Variants in ATP10B observed in about 807,000 individuals in gnomAD.
ATP10B encodes phospholipid-transporting ATPase VB.
In ATP10B, 122 loss-of-function variants were observed where a neutral mutation model predicts 141.2. The ratio of observed to expected loss-of-function variants is 0.86; its 90% confidence interval spans 0.75 to 1.00. The LOEUF (loss-of-function observed/expected upper bound fraction) is 1.00, where lower values mean the gene tolerates loss of function less well. ATP10B is among the 50% of genes least tolerant of loss of function. ATP10B has a pLI of 0.00. For missense variants in ATP10B, 1,876 were observed against 1,825.3 expected, an observed-to-expected ratio of 1.03 and a Z score of -0.51; for synonymous variants, 685 against 692.0, an observed-to-expected ratio of 0.99 and a Z score of 0.16.
chr5:160,750,814 C>A (rs987790812), intron 2 of ATP10B, among the ~76,000 whole-genome samples: 1 of 152,236 alleles, frequency 6.6e-6, no homozygotes, highest in Admixed American at 6.5e-5. Flanking sequence ...AAGCTCCACT[C>A]CAGCCGGAAG....
At chr5:160,859,895 C>G in the ATP10B span, among the ~76,000 whole-genome samples, 1 of 151,856 alleles carries the variant, frequency 6.6e-6, no homozygotes, top group Non-Finnish European at 1.5e-5. Flanking sequence ...GATATTTGCA[C>G]GAACACAGTG....
the ATP10B span, among the ~76,000 whole-genome samples, chr5:160,863,355 G>A: frequency 1.2e-4 from 18 of 152,042 alleles, no homozygotes; most frequent in Non-Finnish European, 2.5e-4. Flanking sequence ...AAGAATGGAA[G>A]ATGGAATATA....
chr5:160,704,200 A>T (rs1191270251), intron 3 of ATP10B, among the ~76,000 whole-genome samples: 2 of 151,888 alleles, frequency 1.3e-5, no homozygotes, highest in Non-Finnish European at 2.9e-5. Flanking sequence ...TACAGATGTG[A>T]ACTACCATGC....
intron 24 of ATP10B, among the ~76,000 whole-genome samples, chr5:160,586,740 T>TG (rs1444302042): frequency 2.6e-5 from 4 of 152,266 alleles, no homozygotes; most frequent in Non-Finnish European, 5.9e-5. Flanking sequence ...GTTGAGCTTT[T>TG]TTTCATGTTT....
chr5:160,689,607 G>A (rs559979199), intron 3 of ATP10B, among the ~76,000 whole-genome samples: 1 of 152,226 alleles, frequency 6.6e-6, no homozygotes, highest in African/African-American at 2.4e-5. Context: ...GCCAAATCAT[G>A]AGTGAACTCC....
the ATP10B span, among the ~76,000 whole-genome samples, chr5:160,871,420 T>G: frequency 9.5e-4 from 144 of 152,226 alleles, no homozygotes; most frequent in South Asian, 0.018. Flanking sequence ...TTTGGTTACA[T>G]AAGTTCTTTA....
intron 1 of ATP10B, among the ~76,000 whole-genome samples, chr5:160,825,097 C>A (rs924335392): frequency 6.6e-6 from 1 of 151,986 alleles, no homozygotes; most frequent in Non-Finnish European, 1.5e-5. Context: ...GATTATTATC[C>A]TTTTTATGTC....
chr5:160,606,751 A>G lies in ATP10B; in HGVS notation c.3160+14T>C. On this transcript the variant is annotated intron_variant, in intron 19 of 25. Coordinates refer to ENST00000327245, the MANE Select transcript of ATP10B (RefSeq NM_025153.3). Reference sequence around the variant, plus strand: ...CCTGCCAAAGTGCCACCCGCATCTCAGTATGATGGGTACCTATGGAAAGGG... The same window carrying G: ...CCTGCCAAAGTGCCACCCGCATCTCGGTATGATGGGTACCTATGGAAAGGG... 1 of 1,606,142 alleles carries G rather than the reference A, an allele frequency of 6.2e-7. No individual in the cohort carries two copies. Among genetic ancestry groups the G allele is most frequent in the Non-Finnish European group, 8.5e-7 (1 of 1,174,288 alleles).
chr5:160,807,805 G>A (rs1040562576), intron 1 of ATP10B, among the ~76,000 whole-genome samples: 13 of 152,142 alleles, frequency 8.5e-5, no homozygotes, highest in South Asian at 2.1e-4. Flanking sequence ...AAAATGCAGC[G>A]ATAGCAGAGA....
At chr5:160,845,806 G>C (rs1190910105) in intron 1 of ATP10B, among the ~76,000 whole-genome samples, 3 of 151,766 alleles carry the variant, frequency 2.0e-5, no homozygotes, top group African/African-American at 7.3e-5. Flanking sequence ...TAATTCTCTA[G>C]TGCTTCAAAT....
At chr5:160,671,451 G>T (rs1005388964) in intron 6 of ATP10B, among the ~76,000 whole-genome samples, 1 of 152,122 alleles carries the variant, frequency 6.6e-6, no homozygotes, top group Non-Finnish European at 1.5e-5. Context: ...GGAGAGTGAC[G>T]ATAGGAAAGG....
chr5:160,688,297 C>T (rs2127747683), intron 4 of ATP10B, among the ~76,000 whole-genome samples: 1 of 152,324 alleles, frequency 6.6e-6, no homozygotes. Flanking sequence ...ACATTAGAGT[C>T]ATAAGGATTT....
the ATP10B span, among the ~76,000 whole-genome samples, chr5:160,882,856 A>C: frequency 6.6e-6 from 1 of 152,210 alleles, no homozygotes; most frequent in African/African-American, 2.4e-5. Context: ...CAAATGAAGC[A>C]ATCACCATAA....
the ATP10B span, among the ~76,000 whole-genome samples, chr5:160,884,656 C>G: frequency 1.3e-5 from 2 of 151,896 alleles, no homozygotes; most frequent in African/African-American, 4.8e-5. Context: ...TTTATCATTA[C>G]TTTTTCATTA....
chr5:160,607,357 G>A (rs533671550), intron 18 of ATP10B, among the ~76,000 whole-genome samples: 157 of 152,288 alleles, frequency 1.0e-3, no homozygotes, highest in Admixed American at 3.0e-3. Flanking sequence ...CACAAGGATG[G>A]CATAAGATAA....
At chr5:160,872,458 A>G in the ATP10B span, among the ~76,000 whole-genome samples, 2 of 152,172 alleles carry the variant, frequency 1.3e-5, no homozygotes, top group Non-Finnish European at 2.9e-5. Flanking sequence ...TGCCTAAACC[A>G]ATGTCTAGAA....
chr5:160,798,466 G>A (rs952797021), intron 1 of ATP10B, among the ~76,000 whole-genome samples: 1 of 152,048 alleles, frequency 6.6e-6, no homozygotes, highest in Admixed American at 6.6e-5. Flanking sequence ...AGGGAAGAAG[G>A]CCCCATGAAG....
At chr5:160,604,458 A>G (rs1173334355) in intron 19 of ATP10B, among the ~76,000 whole-genome samples, 2 of 152,202 alleles carry the variant, frequency 1.3e-5, no homozygotes, top group Non-Finnish European at 1.5e-5. Flanking sequence ...AATGGAACTC[A>G]TATCTTTCAG....
intron 1 of ATP10B, among the ~76,000 whole-genome samples, chr5:160,843,958 T>C (rs1032582799): frequency 2.0e-5 from 3 of 152,166 alleles, no homozygotes; most frequent in Non-Finnish European, 4.4e-5. Context: ...TGTTTAGTAT[T>C]ATTTTCTTAA....
Sources: gnomAD v4.1 joint callset for allele counts (sites outside exome capture counted in the v4.1 genomes callset) on GRCh38, gnomAD v4.1.1 for gene constraint, MANE v1.5 for transcripts, NCBI Gene and HGNC (gene_info 2026-07-23, HGNC 2026-07-21) for gene names.